The following RGS7 variants were observed in gnomAD, a reference collection of about 807,000 sequenced individuals.
The protein encoded by RGS7 is regulator of G-protein signaling 7.
Under a neutral mutation model 81.1 loss-of-function variants are expected in RGS7, and 27 were observed. That is an observed-to-expected ratio of 0.33 (90% CI 0.25 to 0.46). The LOEUF (loss-of-function observed/expected upper bound fraction) is 0.46, where lower values mean the gene tolerates loss of function less well. Among genes scored for constraint, RGS7 ranks in the 20% least tolerant of loss-of-function variants. The pLI is 1.00. For synonymous variants in RGS7, 208 were observed against 207.7 expected (o/e 1.00, Z -0.01); for missense variants, 396 against 607.4 (o/e 0.65, Z 3.66).
At chr1:240,901,888 G>A (rs1381237556) in intron 6 of RGS7, among the ~76,000 whole-genome samples, 1 of 152,060 alleles carries the variant, frequency 6.6e-6, no homozygotes, top group Non-Finnish European at 1.5e-5. Context: ...CTCACATCTA[G>A]TTATATATTT....
At chr1:241,352,451 A>G (rs535857467) in intron 2 of RGS7, among the ~76,000 whole-genome samples, 9 of 152,368 alleles carry the variant, frequency 5.9e-5, no homozygotes, top group African/African-American at 2.2e-4. Flanking sequence ...TGCTTATGAA[A>G]AAGACAGCAC....
chr1:241,263,108 C>T (rs4660049), intron 2 of RGS7, among the ~76,000 whole-genome samples: 42,692 of 150,830 alleles, frequency 0.28, 6,148 homozygotes, highest in South Asian at 0.35. Context: ...CAAAACAAAA[C>T]AAACAAACAA....
intron 2 of RGS7, among the ~76,000 whole-genome samples, chr1:241,247,153 CTCTT>C (rs1486366131): frequency 1.3e-5 from 2 of 152,052 alleles, no homozygotes; most frequent in African/African-American, 4.8e-5. Flanking sequence ...AGGCTATAAG[CTCTT>C]TCAAAACAAG....
intron 2 of RGS7, among the ~76,000 whole-genome samples, chr1:241,104,909 G>C (rs1311410094): frequency 6.7e-6 from 1 of 149,804 alleles, no homozygotes; most frequent in African/African-American, 2.5e-5. Flanking sequence ...AGAGGGGATT[G>C]ATGTATTTTT....
chr1:240,943,842 C>A (rs1414319688), intron 4 of RGS7, among the ~76,000 whole-genome samples: 9 of 152,098 alleles, frequency 5.9e-5, no homozygotes, highest in Non-Finnish European at 1.3e-4. Context: ...GATGTGAGGA[C>A]ACCCTGAACC....
chr1:240,970,149 C>T (rs773914425), intron 4 of RGS7, among the ~76,000 whole-genome samples: 12 of 152,168 alleles, frequency 7.9e-5, no homozygotes, highest in Admixed American at 6.5e-4. Flanking sequence ...GATTAATGCT[C>T]ATGTGTGATA....
chr1:241,158,697 AG>A (rs1283051585), intron 2 of RGS7, among the ~76,000 whole-genome samples: 1 of 152,222 alleles, frequency 6.6e-6, no homozygotes, highest in Non-Finnish European at 1.5e-5. Context: ...AGGTAGAAAA[AG>A]TTTCCCTGAC....
intron 14 of RGS7, among the ~76,000 whole-genome samples, chr1:240,810,881 T>C (rs988179452): frequency 6.6e-6 from 1 of 152,212 alleles, no homozygotes; most frequent in African/African-American, 2.4e-5. Flanking sequence ...AGGGTTCCCA[T>C]AAACTGGAAG....
At position 241,102,239 on chromosome 1, in the gene RGS7, T is replaced by C. The variant is rs1050109249; in HGVS notation, c.79-3477A>G. 2.3e-4 allele frequency among the ~76,000 whole-genome samples: 26 copies of C among 113,428 alleles called. 1 individual carries two copies. The highest frequency in any genetic ancestry group is 1.8e-3 in the African/African-American group (26 of 14,730). The allele number at this position is 113,428 out of a possible 152,430, so 74.4% of individuals were successfully genotyped here. A position where few individuals can be genotyped will look rare whatever the true frequency, so the allele number is the denominator to read the frequency against. On this transcript the variant is annotated intron_variant, in intron 2 of 18. Transcript: ENST00000440928. ...CAACAAAATGAAGAACAAAGACACA[T>C]AAAAAAAACCCCTGCTTTCTAAAAA...
At chr1:241,263,646 G>A (rs953997660) in intron 2 of RGS7, among the ~76,000 whole-genome samples, 11 of 152,184 alleles carry the variant, frequency 7.2e-5, no homozygotes, top group Non-Finnish European at 1.3e-4. Context: ...TGACAGACAT[G>A]CTAAGTACCC....
intron 2 of RGS7, among the ~76,000 whole-genome samples, chr1:241,327,642 T>C (rs919549957): frequency 6.6e-6 from 1 of 152,180 alleles, no homozygotes; most frequent in Non-Finnish European, 1.5e-5. Context: ...TGTGAAAGAA[T>C]GCTACACTGA....
chr1:240,880,521 T>G (rs184346647), intron 6 of RGS7, among the ~76,000 whole-genome samples: 162 of 152,254 alleles, frequency 1.1e-3, no homozygotes, highest in African/African-American at 3.7e-3. Flanking sequence ...CCTCCCAGTG[T>G]CTCCCCTCTA....
intron 2 of RGS7, among the ~76,000 whole-genome samples, chr1:241,119,201 C>A (rs763128156): frequency 2.0e-5 from 3 of 152,118 alleles, no homozygotes; most frequent in Non-Finnish European, 4.4e-5. Context: ...AACTATATTT[C>A]TCAAAACATA....
At chr1:240,857,335 C>T (rs73116046) in intron 9 of RGS7, among the ~76,000 whole-genome samples, 1,690 of 152,086 alleles carry the variant, frequency 0.011, 36 homozygotes, top group African/African-American at 0.039. Context: ...TTATTAACAT[C>T]TTATATTGAT....
intron 3 of RGS7, among the ~76,000 whole-genome samples, chr1:241,078,738 C>T (rs374790674): frequency 3.9e-5 from 6 of 152,064 alleles, no homozygotes; most frequent in African/African-American, 1.4e-4. Flanking sequence ...TTAAGGAATA[C>T]TTACTGAATG....
At chr1:241,017,816 T>C (rs1212780011) in intron 3 of RGS7, among the ~76,000 whole-genome samples, 3 of 152,194 alleles carry the variant, frequency 2.0e-5, no homozygotes, top group African/African-American at 7.2e-5. Context: ...TTGCTGTTAA[T>C]CCTATTTACC....
chr1:241,325,853 T>C (rs543237011), intron 2 of RGS7, among the ~76,000 whole-genome samples: 83 of 152,298 alleles, frequency 5.4e-4, no homozygotes, highest in African/African-American at 1.9e-3. Flanking sequence ...TGTAAGTCTC[T>C]TACAGGAAAA....
At chr1:241,294,947 T>C (rs1033396865) in intron 2 of RGS7, among the ~76,000 whole-genome samples, 1 of 152,292 alleles carries the variant, frequency 6.6e-6, no homozygotes, top group African/African-American at 2.4e-5. Flanking sequence ...AAATCACCTA[T>C]AGGTGCACTT....
chr1:241,348,629 G>C (rs1458387688), intron 2 of RGS7, among the ~76,000 whole-genome samples: 2 of 152,206 alleles, frequency 1.3e-5, no homozygotes, highest in Non-Finnish European at 2.9e-5. Flanking sequence ...AAATGAAAAA[G>C]TAGATTAACT....
Sources: gnomAD v4.1 joint callset for allele counts (sites outside exome capture counted in the v4.1 genomes callset) on GRCh38, gnomAD v4.1.1 for gene constraint, MANE v1.5 for transcripts, NCBI Gene and HGNC (gene_info 2026-07-23, HGNC 2026-07-21) for gene names.